The following TAGAP variants were observed in gnomAD, a reference collection of about 807,000 sequenced individuals.
The protein encoded by TAGAP is T-cell activation Rho GTPase-activating protein.
TAGAP carries 16 observed loss-of-function variants against 36.0 expected under a neutral mutation model. The ratio of observed to expected loss-of-function variants is 0.44; its 90% CI spans 0.30 to 0.68. The LOEUF (loss-of-function observed/expected upper bound fraction) is 0.68. TAGAP is among the 30% of genes least tolerant of loss of function. The pLI, the probability that TAGAP is intolerant of heterozygous loss-of-function variation, is 0.09. For synonymous variants in TAGAP, 372 were observed against 377.4 expected (o/e 0.99, Z 0.17); for missense variants, 794 against 921.5 (o/e 0.86, Z 1.79).
rs181275709 is a variant in TAGAP at position 159,043,983 on chromosome 6, A to G, written c.76T>C (p.Ser26Pro). 3.7e-5 allele frequency: 60 copies of G among 1,613,558 alleles called. No homozygotes were observed. The East Asian group carries it at 1.3e-3, about 35-fold the overall frequency. ...NNMETLIECQSEGDIKEHPLL... is the reference protein window; with the variant it reads ...NNMETLIECQPEGDIKEHPLL... ...CTTAAAAATTGCTTTCTTACCTCTG[A>G]TTGACATTCGATTAGTGTCTCCATA... The change falls in exon 3 of 10, where the codon TCA (serine) becomes CCA (proline). Residue 26 changes from serine (S) to proline (P), a missense_variant. Ser to Pro is a moderately conservative substitution (Grantham distance 74). Transcript: ENST00000367066.
chr6:159,038,256 G>T, intron 8 of TAGAP, 28 bp from the exon 9 acceptor site: 2 of 961,316 alleles, frequency 2.1e-6, no homozygotes, highest in Non-Finnish European at 3.2e-6. Flanking sequence ...CAATTTGTCA[G>T]CTTGAAGACT....
intron 7 of TAGAP, among the ~76,000 whole-genome samples, chr6:159,040,022 C>T (rs78006134): frequency 0.015 from 2,337 of 152,240 alleles, 25 homozygotes; most frequent in Middle Eastern, 0.024. Context: ...GTCTTCAATT[C>T]TATACATATG....
chr6:159,042,491 G>A (rs1156832356), intron 4 of TAGAP: 3 of 621,160 alleles, frequency 4.8e-6, no homozygotes, highest in East Asian at 3.5e-5. Context: ...GTTCCTCAAG[G>A]CCTCCACCTT....
rs573855523 is a variant in TAGAP at position 159,036,638 on chromosome 6, C to T, written c.1385G>A (p.Ser462Asn). ...PRALVLKAFS[S>N]SSLDASSDSS... ...GTCAGAGGACGCGTCCAGCGAGCTGCTGGAGAAGGCTTTGAGAACCAGTGC... is the reference window on the plus strand; with the variant it reads ...GTCAGAGGACGCGTCCAGCGAGCTGTTGGAGAAGGCTTTGAGAACCAGTGC... The change falls in exon 10 of 10, where the codon AGC becomes AAC. Residue 462 changes from serine (S) to asparagine (N), a missense_variant. Ser to Asn is a conservative substitution (Grantham distance 46). Coordinates refer to ENST00000367066, the MANE Select transcript of TAGAP (RefSeq NM_054114.5). The surrounding 1 kb of genome is among the most constrained non-coding windows in gnomAD (Gnocchi z 4.9). 1.2e-6 allele frequency: 2 copies of T among 1,614,164 alleles called. No individual in the cohort carries two copies. Among genetic ancestry groups the T allele is most frequent in the East Asian group, 4.5e-5 (2 of 44,864 alleles).
Position 159,041,194 on chromosome 6 carries a change from G to T in TAGAP, c.477+160C>A. 2.3e-6 allele frequency: 2 copies of T among 876,368 alleles called. No homozygotes were observed. Among genetic ancestry groups the T allele is most frequent in the Non-Finnish European group, 3.4e-6 (2 of 581,876 alleles). 54.3% of individuals were successfully genotyped at this position (876,368 alleles called of 1,614,324 possible). ...GGAATCTGAGGTCACAGAAACAGAG[G>T]TGCTTACTAAATAAATAAATAAAGG... On this transcript the variant is annotated intron_variant, in intron 6 of 9. Coordinates refer to ENST00000367066, the MANE Select transcript of TAGAP (RefSeq NM_054114.5). The surrounding 1 kb of genome is among the most constrained non-coding windows in gnomAD (Gnocchi z 4.1).
chr6:159,036,960 G>A lies in TAGAP; in HGVS notation c.1063C>T (p.Pro355Ser), dbSNP rs1779563665. Residue 355 changes from proline (P) to serine (S), a missense_variant, in exon 10 of 10, where the codon CCA becomes TCA. Coordinates refer to ENST00000367066, the MANE Select transcript of TAGAP (RefSeq NM_054114.5). The surrounding 1 kb of genome is among the most constrained non-coding windows in gnomAD (Gnocchi z 4.9). The stretch of plus-strand genomic sequence containing the variant: ...GCCACGGTGCTCACAATGGGCTCTG[G>A]GCTGACCTCTCGGGCATCCTGTGGG... ...AGPQDAREVS[P>S]EPIVSTVARL... The A allele has an allele frequency of 1.2e-6, 2 of 1,613,804 alleles. No individual in the cohort carries two copies. Among genetic ancestry groups the A allele is most frequent in the East Asian group, 4.5e-5 (2 of 44,846 alleles).
At chr6:159,039,027 A>G in intron 8 of TAGAP, 87 bp downstream of exon 8, 1 of 1,600,092 alleles carries the variant, frequency 6.2e-7, no homozygotes, top group East Asian at 2.3e-5. Flanking sequence ...TCAGTTGGAG[A>G]CATTCTGAAG....
chr6:159,040,636 G>C, intron 7 of TAGAP, 87 bp downstream of exon 7: 3 of 1,092,090 alleles, frequency 2.7e-6, no homozygotes, highest in Non-Finnish European at 4.2e-6. Context: ...ATGGAACAGG[G>C]ATCATGAAGC....
chr6:159,038,054 C>T, intron 9 of TAGAP, 60 bp downstream of exon 9: 1 of 1,101,254 alleles, frequency 9.1e-7, no homozygotes, highest in Non-Finnish European at 1.4e-6. Context: ...CTTTACATGA[C>T]TGGCAGACTG....
rs1779487311 is a variant in TAGAP at position 159,035,186 on chromosome 6, T to C, written c.*641A>G. On this transcript the variant is annotated 3_prime_UTR_variant, in exon 10 of 10. Transcript: ENST00000367066. ...TTTTCATTAATCTACCCACATTTAA[T>C]TGGATGATTGAAAGGACACGTTGAA... is the stretch of plus-strand genomic sequence containing the variant. 6.6e-6 allele frequency: 1 copy of C among 152,324 alleles called. No homozygotes were observed. The highest frequency in any genetic ancestry group is 2.1e-4 in the South Asian group (1 of 4,830). The allele number at this position is 152,324 out of a possible 1,614,324, so 9.4% of individuals were successfully genotyped here.
chr6:159,040,587 G>A (rs930772136), intron 7 of TAGAP, 136 bp downstream of exon 7: 22 of 652,720 alleles, frequency 3.4e-5, no homozygotes, highest in Admixed American at 2.5e-4. Context: ...GGGAGTGGAC[G>A]AGCAATTCCA....
Position 159,036,897 on chromosome 6 carries a change from A to G in TAGAP, c.1126T>C (p.Tyr376His), listed in dbSNP as rs748963742. The change falls in exon 10 of 10, where the codon TAC (tyrosine) becomes CAC (histidine). Residue 376 changes from tyrosine (Y) to histidine (H), a missense_variant. By Grantham distance (83) the Tyr-to-His change is moderately conservative. Coordinates refer to ENST00000367066, the MANE Select transcript of TAGAP (RefSeq NM_054114.5). The surrounding 1 kb of genome is among the most constrained non-coding windows in gnomAD (Gnocchi z 4.9). ...GAGGATGGCATGCTGGGCTCTGAGT[A>G]TCTCCTATCGGGCTGTGCGAGGGAG... ...KSSLAQPDRR[Y>H]SEPSMPSSQE... The G allele has an allele frequency of 5.0e-6, 8 of 1,614,054 alleles. No homozygotes were observed. The Admixed American group carries it at 1.2e-4, about 24-fold the overall frequency.
chr6:159,037,277 T>C lies in TAGAP; in HGVS notation c.899-153A>G, dbSNP rs1779580327. 6.6e-6 allele frequency among the ~76,000 whole-genome samples: 1 copy of C among 152,136 alleles called. No homozygotes were observed. Among genetic ancestry groups the C allele is most frequent in the Non-Finnish European group, 1.5e-5 (1 of 68,010 alleles). On this transcript the variant is annotated intron_variant, in intron 9 of 9. Coordinates refer to ENST00000367066, the MANE Select transcript of TAGAP (RefSeq NM_054114.5). The surrounding 1 kb of genome is among the most constrained non-coding windows in gnomAD (Gnocchi z 5.1). ...TGTGATCTCGGCTCACTGCAACCTC[T>C]ACCTCCCGGGTTCAAGTGATTCTCC...
At chr6:159,040,281 C>T (rs1278192397) in intron 7 of TAGAP, among the ~76,000 whole-genome samples, 1 of 152,188 alleles carries the variant, frequency 6.6e-6, no homozygotes, top group Admixed American at 6.5e-5. Flanking sequence ...AACTGCCCCC[C>T]ACCACACTGT....
rs759344882 is a variant in TAGAP at position 159,039,099 on chromosome 6, G to T, written c.783+15C>A. 43 of 1,614,070 alleles carry T rather than the reference G, an allele frequency of 2.7e-5. No homozygotes were observed. Among genetic ancestry groups the T allele is most frequent in the Admixed American group, 3.3e-5 (2 of 60,006 alleles). ...ATCATAAGTTGGGGATTTCTCATCAGTAAGCAGAACAAACCTTGTTGTTCA... is the reference window on the plus strand; with the variant it reads ...ATCATAAGTTGGGGATTTCTCATCATTAAGCAGAACAAACCTTGTTGTTCA... On this transcript the variant is annotated intron_variant, in intron 8 of 9. Transcript: ENST00000367066.
At chr6:159,042,394 A>G in intron 4 of TAGAP, 150 bp from the exon 5 acceptor site, 1 of 1,432,932 alleles carries the variant, frequency 7.0e-7, no homozygotes, top group East Asian at 2.4e-5. Context: ...GAGAAAGCAA[A>G]GGGCGTGAAT....
At position 159,038,105 on chromosome 6, in the gene TAGAP, A is replaced by G. The variant is rs1455185860; in HGVS notation, c.898+9T>C. The G allele has an allele frequency of 6.4e-7, 1 of 1,565,672 alleles. No individual in the cohort carries two copies. The highest frequency in any genetic ancestry group is 2.2e-5 in the East Asian group (1 of 44,538). ...TACAATCGTAATCAAATGATAGCAC[A>G]TTCCATACCTGAACTGTCAGTGTGC... On this transcript the variant is annotated intron_variant, in intron 9 of 9. Transcript: ENST00000367066.
Position 159,040,905 on chromosome 6 carries a change from T to A in TAGAP, c.478-73A>T, listed in dbSNP as rs543075575. The A allele has an allele frequency of 6.7e-6, 8 of 1,191,966 alleles. No individual in the cohort carries two copies. In the African/African-American group the frequency reaches 1.0e-4, roughly 16 times the overall value. 73.8% of individuals were successfully genotyped at this position (1,191,966 alleles called of 1,614,324 possible). On this transcript the variant is annotated intron_variant, in intron 6 of 9. Transcript: ENST00000367066. ...CCATGTCCTTGTTTTCACCCGGTTTTCGTTCCATCGCAGGGTGCTCTATGC... is the reference window on the plus strand; with the variant it reads ...CCATGTCCTTGTTTTCACCCGGTTTACGTTCCATCGCAGGGTGCTCTATGC...
In TAGAP at chr6:159,037,162, G is replaced by A; in HGVS notation, c.899-38C>T. 7.4e-6 allele frequency: 11 copies of A among 1,486,816 alleles called. No homozygotes were observed. Among genetic ancestry groups the A allele is most frequent in the Non-Finnish European group, 9.8e-6 (11 of 1,117,174 alleles). 92.1% of individuals were successfully genotyped at this position (1,486,816 alleles called of 1,614,324 possible). A position where few individuals can be genotyped will look rare whatever the true frequency, so the allele number is the denominator to read the frequency against. ...AAGCAGCAGTTGAACATTTGTTTGG[G>A]TTTATTTATTTATTTATTTTTATTT... On this transcript the variant is annotated intron_variant, in intron 9 of 9. Transcript: ENST00000367066. The surrounding 1 kb of genome is among the most constrained non-coding windows in gnomAD (Gnocchi z 5.1).
Sources: allele counts gnomAD v4.1 joint callset (sites outside exome capture counted in the v4.1 genomes callset), GRCh38; gene constraint gnomAD v4.1.1; non-coding constraint Gnocchi (gnomAD v3.1); transcripts MANE v1.5; gene names NCBI Gene and HGNC (gene_info 2026-07-23, HGNC 2026-07-21).